The following NPHP1 variants were observed in gnomAD, a reference collection of about 807,000 sequenced individuals.
NPHP1 encodes nephrocystin-1.
A neutral mutation model predicts 90.4 loss-of-function variants in NPHP1; 70 were observed. The ratio of observed to expected loss-of-function variants is 0.77; its 90% CI spans 0.64 to 0.95. NPHP1 has a LOEUF of 0.95. Among genes scored for constraint, NPHP1 ranks in the 40% least tolerant of loss-of-function variants. The pLI, the probability that NPHP1 is intolerant of heterozygous loss-of-function variation, is 0.00. For missense variants in NPHP1, 764 were observed against 795.9 expected (o/e 0.96, Z 0.48); for synonymous variants, 256 against 271.7 (o/e 0.94, Z 0.57).
intron 16 of NPHP1, among the ~76,000 whole-genome samples, chr2:110,137,648 C>G (rs1287594183): frequency 6.6e-6 from 1 of 152,076 alleles, no homozygotes; most frequent in African/African-American, 2.4e-5. Context: ...CCAGGTAGAA[C>G]AGTCATCATT....
chr2:110,138,606 G>C (rs1291103423), intron 16 of NPHP1, among the ~76,000 whole-genome samples: 1 of 152,032 alleles, frequency 6.6e-6, no homozygotes, highest in South Asian at 2.1e-4. Flanking sequence ...TCTGATTCTG[G>C]GTTGTTCTGG....
chr2:110,154,917 T>A (rs1681776589), intron 11 of NPHP1, among the ~76,000 whole-genome samples: 1 of 152,066 alleles, frequency 6.6e-6, no homozygotes, highest in Non-Finnish European at 1.5e-5. Flanking sequence ...TTCGCATAGG[T>A]AACAAGGAGC....
intron 2 of NPHP1, among the ~76,000 whole-genome samples, chr2:110,190,567 C>T (rs1287150985): frequency 1.3e-5 from 2 of 152,192 alleles, no homozygotes; most frequent in African/African-American, 4.8e-5. Context: ...TTCCCACCCG[C>T]GCCTCTCCCT....
intron 17 of NPHP1, 117 bp downstream of exon 17, chr2:110,131,562 C>T: frequency 2.8e-6 from 2 of 713,300 alleles, no homozygotes; most frequent in South Asian, 3.1e-5. Flanking sequence ...CAATGCTGTT[C>T]TAAATATTTT....
chr2:110,123,776 T>C lies in NPHP1; in HGVS notation c.*15A>G. 6.2e-7 allele frequency: 1 copy of C among 1,613,292 alleles called. No homozygotes were observed. Among genetic ancestry groups the C allele is most frequent in the African/African-American group, 1.3e-5 (1 of 75,042 alleles). ...TCTGATTCCGTGGGAAGCTGAGGGCTAGAGGCTGCCACTGTCACACTGCAT... is the reference window on the plus strand; with the variant it reads ...TCTGATTCCGTGGGAAGCTGAGGGCCAGAGGCTGCCACTGTCACACTGCAT... On this transcript the variant is annotated 3_prime_UTR_variant, in exon 20 of 20. Coordinates refer to ENST00000445609, the MANE Select transcript of NPHP1 (RefSeq NM_001128178.3).
rs150801549 is a variant in NPHP1 at position 110,167,541 on chromosome 2, C to T, written c.624+911G>A. Among the ~76,000 whole-genome samples, 127 of 152,234 alleles carry T rather than the reference C, an allele frequency of 8.3e-4. 1 individual carries two copies. In the East Asian group the frequency reaches 0.014, roughly 17 times the overall value. On this transcript the variant is annotated intron_variant, in intron 6 of 19. Transcript: ENST00000445609. ...GGCCCAGAGAGTGCATGCCAGCCAC[C>T]CCCAACCAATACCTCACTCTATGGC... is the stretch of plus-strand genomic sequence containing the variant.
At chr2:110,192,856 C>CA (rs1255590787) in intron 2 of NPHP1, among the ~76,000 whole-genome samples, 3 of 152,046 alleles carry the variant, frequency 2.0e-5, no homozygotes, top group Non-Finnish European at 4.4e-5. Flanking sequence ...CAATATTCAA[C>CA]TTCTTAAAGA....
intron 2 of NPHP1, among the ~76,000 whole-genome samples, chr2:110,188,086 T>C (rs1684422762): frequency 1.3e-5 from 2 of 152,172 alleles, no homozygotes; most frequent in African/African-American, 4.8e-5. Context: ...GCTTGAAGCA[T>C]TCCCTTTGAA....
At chr2:110,197,937 A>G (rs192894897) in intron 2 of NPHP1, among the ~76,000 whole-genome samples, 2 of 152,318 alleles carry the variant, frequency 1.3e-5, no homozygotes, top group Admixed American at 1.3e-4. Context: ...TAACTATGTA[A>G]TTATTAAAAT....
intron 6 of NPHP1, among the ~76,000 whole-genome samples, chr2:110,167,649 T>C (rs1317107149): frequency 6.6e-6 from 1 of 152,092 alleles, no homozygotes; most frequent in Non-Finnish European, 1.5e-5. Context: ...TTCTAGTAAA[T>C]TACTGAACCC....
intron 11 of NPHP1, 67 bp from the exon 12 acceptor site, chr2:110,150,323 C>A: frequency 6.9e-7 from 1 of 1,459,454 alleles, no homozygotes; most frequent in South Asian, 1.1e-5. Flanking sequence ...TTTCCATGTC[C>A]CAAAGAGTTA....
At chr2:110,151,011 C>G (rs908583666) in intron 11 of NPHP1, among the ~76,000 whole-genome samples, 1 of 151,242 alleles carries the variant, frequency 6.6e-6, no homozygotes, top group African/African-American at 2.4e-5. Context: ...ACTAAAAACA[C>G]AAAAATCAGC....
At chr2:110,204,845 G>T in intron 1 of NPHP1, 55 bp downstream of exon 1, 2 of 1,573,614 alleles carry the variant, frequency 1.3e-6, no homozygotes, top group Non-Finnish European at 1.7e-6. Flanking sequence ...CGCAGTGCGC[G>T]CAGCTGCGTC....
At chr2:110,200,358 G>A (rs1685488216) in intron 2 of NPHP1, among the ~76,000 whole-genome samples, 1 of 152,134 alleles carries the variant, frequency 6.6e-6, no homozygotes, top group African/African-American at 2.4e-5. Context: ...GAGGTCAGGA[G>A]TTCGAAACCA....
At chr2:110,164,520 T>C (rs1173935130) in intron 8 of NPHP1, 168 bp downstream of exon 8, 1 of 1,416,350 alleles carries the variant, frequency 7.1e-7, no homozygotes. Context: ...GAAATGTTAC[T>C]TGGAGCACAG....
chr2:110,200,041 G>T (rs1401188334), intron 2 of NPHP1, among the ~76,000 whole-genome samples: 3 of 148,978 alleles, frequency 2.0e-5, no homozygotes, highest in Non-Finnish European at 4.5e-5. Flanking sequence ...GGGGCATGAG[G>T]TCAGGAGATT....
At chr2:110,143,389 C>T (rs1294515658) in intron 16 of NPHP1, among the ~76,000 whole-genome samples, 153 bp downstream of exon 16, 1 of 152,064 alleles carries the variant, frequency 6.6e-6, no homozygotes, top group Non-Finnish European at 1.5e-5. Flanking sequence ...AGCTTTGTTA[C>T]CCATTTCCCT....
At chr2:110,174,552 T>G (rs530815456) in intron 4 of NPHP1, among the ~76,000 whole-genome samples, 3 of 152,314 alleles carry the variant, frequency 2.0e-5, no homozygotes, top group Admixed American at 6.5e-5. Flanking sequence ...CTTCTACATA[T>G]AGTCAGTCCT....
At chr2:110,180,662 C>T (rs1420081209) in intron 2 of NPHP1, among the ~76,000 whole-genome samples, 1 of 151,980 alleles carries the variant, frequency 6.6e-6, no homozygotes, top group Non-Finnish European at 1.5e-5. Flanking sequence ...AACACCTTGA[C>T]CCATGAGAAT....
Sources: gnomAD v4.1 joint callset for allele counts (sites outside exome capture counted in the v4.1 genomes callset) on GRCh38, gnomAD v4.1.1 for gene constraint, MANE v1.5 for transcripts, NCBI Gene and HGNC (gene_info 2026-07-23, HGNC 2026-07-21) for gene names.